CADM2: variants seen among roughly 807,000 people sequenced by gnomAD.
The protein encoded by CADM2 is immunoglobulin superfamily member 4D.
In CADM2, 12 loss-of-function variants were observed where a neutral mutation model predicts 49.8. That is an observed-to-expected ratio of 0.24 (90% CI 0.15 to 0.39). The LOEUF (loss-of-function observed/expected upper bound fraction) is 0.39. Among genes scored for constraint, CADM2 ranks in the 10% least tolerant of loss-of-function variants. CADM2 has a pLI of 1.00. For missense variants in CADM2, 378 were observed against 492.3 expected, an observed-to-expected ratio of 0.77 and a Z score of 2.20; for synonymous variants, 214 against 175.4, an observed-to-expected ratio of 1.22 and a Z score of -1.74.
intron 1 of CADM2, among the ~76,000 whole-genome samples, chr3:85,323,088 T>C (rs2044659378): frequency 6.6e-6 from 1 of 152,132 alleles, no homozygotes; most frequent in African/African-American, 2.4e-5. Context: ...CCGTCAGTCT[T>C]TTTCACTCCT....
chr3:85,798,372 G>A (rs940939456), intron 2 of CADM2, among the ~76,000 whole-genome samples: 2 of 152,108 alleles, frequency 1.3e-5, no homozygotes, highest in Admixed American at 1.3e-4. Flanking sequence ...TAACATCTAG[G>A]TTTTCATCTA....
intron 1 of CADM2, among the ~76,000 whole-genome samples, chr3:85,651,186 A>G (rs1028865382): frequency 6.6e-6 from 1 of 152,176 alleles, no homozygotes; most frequent in African/African-American, 2.4e-5. Context: ...AATTCAAATC[A>G]GAATTAATGT....
At chr3:85,765,222 T>A (rs527525054) in intron 2 of CADM2, among the ~76,000 whole-genome samples, 1 of 152,240 alleles carries the variant, frequency 6.6e-6, no homozygotes, top group South Asian at 2.1e-4. Context: ...CAATTACTTT[T>A]GTAAAGAAGA....
chr3:85,804,000 G>T (rs1234209263), intron 3 of CADM2, among the ~76,000 whole-genome samples: 1 of 151,948 alleles, frequency 6.6e-6, no homozygotes, highest in Non-Finnish European at 1.5e-5. Context: ...GATTTAATTT[G>T]CAGTTTCAGT....
chr3:85,095,672 T>C (rs1276199567), intron 1 of CADM2, among the ~76,000 whole-genome samples: 2 of 152,200 alleles, frequency 1.3e-5, no homozygotes, highest in African/African-American at 2.4e-5. Context: ...CTAAGGCTTC[T>C]TTGGCCCAAA....
chr3:85,495,015 T>C (rs2039830106), intron 1 of CADM2, among the ~76,000 whole-genome samples: 1 of 152,244 alleles, frequency 6.6e-6, no homozygotes, highest in Admixed American at 6.5e-5. Context: ...AGTGCATTTT[T>C]TCTAACACCT....
At chr3:84,991,710 G>A (rs79720220) in intron 1 of CADM2, among the ~76,000 whole-genome samples, 5,005 of 152,284 alleles carry the variant, frequency 0.033, 94 homozygotes, top group Middle Eastern at 0.075. Context: ...GATGTTTATA[G>A]CAGTTTTACT....
chr3:85,962,055 C>T lies in CADM2; in HGVS notation c.970+408C>T, dbSNP rs143297161. On this transcript the variant is annotated intron_variant, in intron 8 of 9. Coordinates refer to ENST00000383699, the MANE Select transcript of CADM2 (RefSeq NM_001167675.2). Reference sequence around the variant, plus strand: ...GGGTTCAAGCAATTCTCGTGCTTCACCTCCTGAGTAGCTGGGATTACAGGC... The same window carrying T: ...GGGTTCAAGCAATTCTCGTGCTTCATCTCCTGAGTAGCTGGGATTACAGGC... Among the ~76,000 whole-genome samples, 36 of 151,832 alleles carry T rather than the reference C, an allele frequency of 2.4e-4. No individual in the cohort carries two copies. In the East Asian group the frequency reaches 4.5e-3, roughly 19 times the overall value.
chr3:85,451,529 G>A (rs764585353), intron 1 of CADM2, among the ~76,000 whole-genome samples: 1 of 151,934 alleles, frequency 6.6e-6, no homozygotes, highest in Non-Finnish European at 1.5e-5. Flanking sequence ...CACACCTCAC[G>A]TTTTCCCTTA....
chr3:85,487,316 C>T (rs1004743083), intron 1 of CADM2, among the ~76,000 whole-genome samples: 1 of 151,992 alleles, frequency 6.6e-6, no homozygotes, highest in Non-Finnish European at 1.5e-5. Context: ...GAGTTCAAAA[C>T]GATACTGGGC....
At chr3:85,069,271 T>G (rs2036637060) in intron 1 of CADM2, among the ~76,000 whole-genome samples, 3 of 152,174 alleles carry the variant, frequency 2.0e-5, no homozygotes, top group African/African-American at 7.2e-5. Context: ...GAATTATAAT[T>G]TTAATTTGTG....
chr3:85,828,346 G>A (rs2074022026), intron 3 of CADM2, among the ~76,000 whole-genome samples: 3 of 151,810 alleles, frequency 2.0e-5, no homozygotes, highest in Non-Finnish European at 4.4e-5. Context: ...AACAAAAATA[G>A]ATTTTTAAAA....
intron 1 of CADM2, among the ~76,000 whole-genome samples, chr3:85,721,352 T>G (rs2067496423): frequency 6.6e-6 from 1 of 152,170 alleles, no homozygotes; most frequent in African/African-American, 2.4e-5. Context: ...GTGTCGTTTT[T>G]CTGGTCAGAA....
At chr3:85,458,578 T>A (rs893823217) in intron 1 of CADM2, among the ~76,000 whole-genome samples, 1 of 152,158 alleles carries the variant, frequency 6.6e-6, no homozygotes, top group African/African-American at 2.4e-5. Context: ...TAAAGATCAA[T>A]TTGATTTCTC....
At chr3:85,535,108 C>A (rs6767256) in intron 1 of CADM2, among the ~76,000 whole-genome samples, 1 of 151,964 alleles carries the variant, frequency 6.6e-6, no homozygotes, top group African/African-American at 2.4e-5. Context: ...TTTACAGACT[C>A]GATTGCACTT....
chr3:85,783,327 T>C (rs942001368), intron 2 of CADM2, among the ~76,000 whole-genome samples: 1 of 152,196 alleles, frequency 6.6e-6, no homozygotes, highest in Admixed American at 6.5e-5. Flanking sequence ...CTCAAACCAC[T>C]GATGAGCACT....
intron 2 of CADM2, among the ~76,000 whole-genome samples, chr3:85,731,711 T>C (rs1334181784): frequency 6.6e-6 from 1 of 152,094 alleles, no homozygotes; most frequent in Non-Finnish European, 1.5e-5. Flanking sequence ...ACTAGGTATA[T>C]GTTTTTCTTT....
At chr3:85,859,222 G>GTC (rs2075428166) in intron 3 of CADM2, among the ~76,000 whole-genome samples, 2 of 84,364 alleles carry the variant, frequency 2.4e-5, no homozygotes, top group Non-Finnish European at 4.9e-5. Flanking sequence ...TCTTTTTTTT[G>GTC]TCTTTTTTTT....
Position 85,118,383 on chromosome 3 carries a change from G to T in CADM2, c.61+158715G>T, listed in dbSNP as rs141300513. On this transcript the variant is annotated intron_variant, in intron 1 of 9. Coordinates refer to ENST00000383699, the MANE Select transcript of CADM2 (RefSeq NM_001167675.2). ...GCTGATAAAGATATACCCAAAACTG[G>T]GTAATTTATAATGGAAAGAGGTTTA... 6.0e-3 allele frequency among the ~76,000 whole-genome samples: 910 copies of T among 152,206 alleles called. 13 individuals carry two copies. The highest frequency in any genetic ancestry group is 0.02 in the African/African-American group (846 of 41,522).
Sources: gnomAD v4.1 joint callset for allele counts (sites outside exome capture counted in the v4.1 genomes callset) on GRCh38, gnomAD v4.1.1 for gene constraint, MANE v1.5 for transcripts, NCBI Gene and HGNC (gene_info 2026-07-23, HGNC 2026-07-21) for gene names.